The following DEPTOR variants were observed in gnomAD, a reference collection of about 807,000 sequenced individuals.
DEPTOR encodes the protein DEP domain containing MTOR interacting protein.
Under a neutral mutation model 41.6 loss-of-function variants are expected in DEPTOR, and 41 were observed. The observed-to-expected ratio is 0.98, with a 90% CI of 0.77 to 1.28. DEPTOR has a LOEUF of 1.28. Among genes scored for constraint, DEPTOR ranks in the 50% most tolerant of loss-of-function variants. The pLI, the probability that DEPTOR is intolerant of heterozygous loss-of-function variation, is 0.00. For synonymous variants in DEPTOR, 195 were observed against 192.3 expected (o/e 1.01, Z -0.12); for missense variants, 514 against 527.9 (o/e 0.97, Z 0.26).
intron 3 of DEPTOR, among the ~76,000 whole-genome samples, chr8:119,947,419 T>C (rs770106474): frequency 2.0e-5 from 3 of 152,204 alleles, no homozygotes; most frequent in Admixed American, 6.5e-5. Flanking sequence ...GCTGAGATGG[T>C]TGAGAGTCAC....
At chr8:120,000,357 A>C (rs1164383564) in intron 4 of DEPTOR, among the ~76,000 whole-genome samples, 1 of 152,020 alleles carries the variant, frequency 6.6e-6, no homozygotes, top group Non-Finnish European at 1.5e-5. Context: ...CTGTCTCTAG[A>C]AGTGTCTTTG....
At chr8:119,919,092 T>G (rs1827857545) in intron 1 of DEPTOR, among the ~76,000 whole-genome samples, 2 of 152,156 alleles carry the variant, frequency 1.3e-5, no homozygotes, top group South Asian at 4.1e-4. Context: ...GTTGTTTTGT[T>G]CTGATCAGGT....
intron 1 of DEPTOR, among the ~76,000 whole-genome samples, chr8:119,890,018 G>A (rs1586600298): frequency 1.3e-5 from 2 of 152,156 alleles, no homozygotes; most frequent in African/African-American, 2.4e-5. Flanking sequence ...AGGCTGGAGG[G>A]CAGTGGTGCA....
intron 3 of DEPTOR, among the ~76,000 whole-genome samples, chr8:119,959,590 G>T (rs1034093886): frequency 6.6e-6 from 1 of 150,558 alleles, no homozygotes; most frequent in South Asian, 2.1e-4. Context: ...ACAGTGGTGC[G>T]ATCTCGGTTC....
chr8:120,039,716 C>T (rs765777017), intron 8 of DEPTOR, among the ~76,000 whole-genome samples: 16 of 152,124 alleles, frequency 1.1e-4, no homozygotes, highest in African/African-American at 2.9e-4. Context: ...TTATTATCTC[C>T]GATAATGGTT....
At chr8:119,966,498 T>G (rs1436025153) in intron 4 of DEPTOR, among the ~76,000 whole-genome samples, 1 of 152,210 alleles carries the variant, frequency 6.6e-6, no homozygotes, top group Non-Finnish European at 1.5e-5. Context: ...TGTTTTGTTT[T>G]GTTTAAGGCA....
At chr8:119,952,535 G>A (rs917542987) in intron 3 of DEPTOR, among the ~76,000 whole-genome samples, 10 of 152,188 alleles carry the variant, frequency 6.6e-5, no homozygotes, top group Admixed American at 5.9e-4. Flanking sequence ...GTGCCATGGT[G>A]GTTTGCTGGC....
chr8:119,893,771 G>T (rs1363790955), intron 1 of DEPTOR, among the ~76,000 whole-genome samples: 9 of 76,602 alleles, frequency 1.2e-4, no homozygotes, highest in Admixed American at 1.7e-4. Context: ...AGAAGACTCC[G>T]TCTCAAAAAA....
chr8:119,896,311 G>A (rs10095508), intron 1 of DEPTOR, among the ~76,000 whole-genome samples: 7,569 of 152,194 alleles, frequency 0.05, 297 homozygotes, highest in South Asian at 0.17. Context: ...GGGTTACAAG[G>A]TGAGCAGGTG....
chr8:119,889,924 A>G (rs1042146995), intron 1 of DEPTOR, among the ~76,000 whole-genome samples: 3 of 152,118 alleles, frequency 2.0e-5, no homozygotes, highest in African/African-American at 7.2e-5. Context: ...TAATCATTGT[A>G]GAGAAGTGAT....
intron 8 of DEPTOR, among the ~76,000 whole-genome samples, chr8:120,026,969 A>G (rs1343149274): frequency 1.3e-5 from 2 of 152,176 alleles, no homozygotes; most frequent in East Asian, 3.9e-4. Flanking sequence ...CTATAATCCC[A>G]GTACTTTGGG....
In DEPTOR at chr8:119,965,410, G is replaced by C. The variant is rs1388835367; in HGVS notation, c.604G>C (p.Val202Leu). 7.4e-6 allele frequency: 12 copies of C among 1,612,958 alleles called. No homozygotes were observed. The highest frequency in any genetic ancestry group is 1.0e-5 in the Non-Finnish European group (12 of 1,179,756). ...RLMEHGIIQH[V>L]SNKHPFVDSN... ...TATGGAGCATGGCATCATCCAGCAT[G>C]GTGAGCGTATTGGGCAGCTTTTGCT... The change falls in exon 4 of 9, where the codon GTG (valine) becomes CTG (leucine). Residue 202 changes from valine (V) to leucine (L), a missense_variant and splice_region_variant. Coordinates refer to ENST00000286234, the MANE Select transcript of DEPTOR (RefSeq NM_022783.4).
intron 4 of DEPTOR, among the ~76,000 whole-genome samples, chr8:119,985,646 T>C (rs1446000365): frequency 1.3e-5 from 2 of 152,080 alleles, no homozygotes; most frequent in African/African-American, 4.8e-5. Context: ...TCCTGAATGG[T>C]CTCTAAGAAC....
intron 4 of DEPTOR, among the ~76,000 whole-genome samples, chr8:119,973,942 G>C (rs1429175224): frequency 6.6e-6 from 1 of 152,122 alleles, no homozygotes; most frequent in Admixed American, 6.6e-5. Flanking sequence ...GCCATGAAGA[G>C]AGAATTTGGG....
chr8:119,999,162 C>T (rs923418223), intron 4 of DEPTOR, among the ~76,000 whole-genome samples: 2 of 151,264 alleles, frequency 1.3e-5, no homozygotes, highest in East Asian at 1.9e-4. Context: ...CCAGCTACTT[C>T]GGAGCCTGAG....
chr8:119,878,130 C>A (rs1827252237), intron 1 of DEPTOR, among the ~76,000 whole-genome samples: 1 of 152,082 alleles, frequency 6.6e-6, no homozygotes, highest in African/African-American at 2.4e-5. Flanking sequence ...AGAATCACTT[C>A]AACCCAGGAG....
intron 8 of DEPTOR, among the ~76,000 whole-genome samples, chr8:120,023,292 G>A (rs535126451): frequency 6.6e-6 from 1 of 152,162 alleles, no homozygotes; most frequent in South Asian, 2.1e-4. Flanking sequence ...CCAGGCTGGA[G>A]TGCAGTGGCG....
intron 8 of DEPTOR, among the ~76,000 whole-genome samples, chr8:120,037,878 G>A (rs1238601408): frequency 6.6e-6 from 1 of 152,094 alleles, no homozygotes; most frequent in African/African-American, 2.4e-5. Context: ...AAAGATGATG[G>A]CAATGGTGTT....
intron 3 of DEPTOR, among the ~76,000 whole-genome samples, chr8:119,961,416 C>CAAAA (rs34706393): frequency 2.8e-5 from 3 of 108,610 alleles, no homozygotes; most frequent in Admixed American, 1.7e-4. Context: ...AACTCCGTAT[C>CAAAA]AAAAAAAAAA....
Sources: gnomAD v4.1 joint callset for allele counts (sites outside exome capture counted in the v4.1 genomes callset) on GRCh38, gnomAD v4.1.1 for gene constraint, MANE v1.5 for transcripts, NCBI Gene and HGNC (gene_info 2026-07-23, HGNC 2026-07-21) for gene names.